TMEM74: variants seen among roughly 807,000 people sequenced by gnomAD.
TMEM74 encodes the protein transmembrane protein 74.
Under a neutral mutation model 18.1 loss-of-function variants are expected in TMEM74, and 13 were observed. The ratio of observed to expected loss-of-function variants is 0.72; its 90% CI spans 0.47 to 1.14. TMEM74 has a LOEUF of 1.14. Ranked by LOEUF, TMEM74 falls within the 50% of genes most tolerant of loss-of-function variation. The pLI, the probability that TMEM74 is intolerant of heterozygous loss-of-function variation, is 0.00. For missense variants in TMEM74, 372 were observed against 375.9 expected (o/e 0.99, Z 0.09); for synonymous variants, 159 against 146.6 (o/e 1.08, Z -0.61).
chr8:108,673,998 A>G (rs1813029507), intron 1 of TMEM74, among the ~76,000 whole-genome samples: 1 of 152,180 alleles, frequency 6.6e-6, no homozygotes, highest in Admixed American at 6.6e-5. Context: ...CAAGTTAAAC[A>G]TTTTGTTAGA....
At chr8:108,628,643 T>C (rs529193987) in intron 2 of TMEM74, among the ~76,000 whole-genome samples, 6 of 152,244 alleles carry the variant, frequency 3.9e-5, no homozygotes, top group African/African-American at 1.4e-4. Context: ...TTTGGGTATA[T>C]ACCCAGAAAT....
chr8:108,722,079 T>G lies in TMEM74; in HGVS notation n.119+65397A>C, dbSNP rs116856414. Among the ~76,000 whole-genome samples the G allele has an allele frequency of 4.0e-3, 602 of 152,308 alleles. 3 individuals are homozygous for G. The highest frequency in any genetic ancestry group is 6.7e-3 in the Non-Finnish European group (453 of 68,014). The stretch of plus-strand genomic sequence containing the variant: ...TTATTCTCTGCATTTTTCTAGATAT[T>G]TTGTGGTTTTAGATCTTACATTTAA... On this transcript the variant is annotated intron_variant and non_coding_transcript_variant, in intron 1 of 3. Coordinates refer to the TMEM74 transcript ENST00000518838.
In TMEM74 at chr8:108,779,431, G is replaced by A. The variant is rs62509433; in HGVS notation, c.*4750C>T. ...AGAGTTACCCAAATTTGAAACAAAG[G>A]AATATACTCCCCATAGTCCCCTGAA... On this transcript the variant is annotated 3_prime_UTR_variant, in exon 2 of 2. Transcript: ENST00000297459. Among the ~76,000 whole-genome samples the A allele has an allele frequency of 6.6e-6, 1 of 152,066 alleles. No homozygotes were observed. Among genetic ancestry groups the A allele is most frequent in the Non-Finnish European group, 1.5e-5 (1 of 67,990 alleles).
At position 108,645,282 on chromosome 8, in the gene TMEM74, A is replaced by G. The variant is rs144278638; in HGVS notation, n.264+10011T>C. On this transcript the variant is annotated intron_variant and non_coding_transcript_variant, in intron 2 of 3. Coordinates refer to the TMEM74 transcript ENST00000518838. ...AACCAAATACTAAATGTTCTCACTTATAAGTGGGAGCTAAGCATTGGGTAC... is the reference window on the plus strand; with the variant it reads ...AACCAAATACTAAATGTTCTCACTTGTAAGTGGGAGCTAAGCATTGGGTAC... 1.3e-4 allele frequency among the ~76,000 whole-genome samples: 20 copies of G among 152,232 alleles called. No individual in the cohort carries two copies. The South Asian group carries it at 1.5e-3, about 11-fold the overall frequency.
chr8:108,770,579 C>T (rs938314731), intron 1 of TMEM74, among the ~76,000 whole-genome samples: 14 of 152,136 alleles, frequency 9.2e-5, no homozygotes, highest in African/African-American at 3.4e-4. Flanking sequence ...AATTCCTATA[C>T]TTACCTGACA....
At chr8:108,756,227 GT>G (rs1396072653) in intron 1 of TMEM74, among the ~76,000 whole-genome samples, 1 of 151,910 alleles carries the variant, frequency 6.6e-6, no homozygotes, top group Non-Finnish European at 1.5e-5. Flanking sequence ...CAGAAGTTAG[GT>G]TTTACTATGT....
chr8:108,668,890 A>T (rs1378191385), intron 1 of TMEM74, among the ~76,000 whole-genome samples: 11 of 151,798 alleles, frequency 7.2e-5, no homozygotes, highest in Non-Finnish European at 1.6e-4. Flanking sequence ...GTCCTAAAGC[A>T]TTGGAGAAGC....
At chr8:108,681,185 C>G (rs549977371) in intron 1 of TMEM74, among the ~76,000 whole-genome samples, 1 of 152,046 alleles carries the variant, frequency 6.6e-6, no homozygotes, top group Non-Finnish European at 1.5e-5. Context: ...TCATATGGAA[C>G]CAAAAAAGAG....
At chr8:108,700,506 G>A (rs1024188715) in intron 1 of TMEM74, among the ~76,000 whole-genome samples, 5 of 152,048 alleles carry the variant, frequency 3.3e-5, no homozygotes, top group Non-Finnish European at 4.4e-5. Flanking sequence ...GTGTGATGGT[G>A]TTCCTAATAA....
At chr8:108,677,303 A>G (rs1249517144) in intron 1 of TMEM74, among the ~76,000 whole-genome samples, 2 of 152,156 alleles carry the variant, frequency 1.3e-5, no homozygotes, top group Non-Finnish European at 2.9e-5. Context: ...TAAAATTGTA[A>G]TTAATTAAAC....
chr8:108,643,607 G>C (rs1812687363), intron 2 of TMEM74, among the ~76,000 whole-genome samples: 1 of 152,052 alleles, frequency 6.6e-6, no homozygotes, highest in Non-Finnish European at 1.5e-5. Flanking sequence ...CAGGTGCAGT[G>C]ACTCATGCCT....
At chr8:108,743,561 G>A (rs569011651) in intron 1 of TMEM74, among the ~76,000 whole-genome samples, 5 of 152,260 alleles carry the variant, frequency 3.3e-5, no homozygotes, top group African/African-American at 1.2e-4. Flanking sequence ...ATGCTTGAAA[G>A]GAGGTAAGAG....
intron 1 of TMEM74, among the ~76,000 whole-genome samples, chr8:108,673,956 T>C (rs1813029074): frequency 6.6e-6 from 1 of 152,210 alleles, no homozygotes. Flanking sequence ...GTTCAAACAT[T>C]TTAAAAATTT....
intron 1 of TMEM74, among the ~76,000 whole-genome samples, chr8:108,704,014 A>G (rs1379798896): frequency 1.3e-5 from 2 of 152,234 alleles, no homozygotes; most frequent in African/African-American, 4.8e-5. Context: ...TGGCAGAAGT[A>G]TAAGGAACTG....
chr8:108,691,011 G>C (rs1408172287), intron 1 of TMEM74, among the ~76,000 whole-genome samples: 1 of 152,114 alleles, frequency 6.6e-6, no homozygotes, highest in African/African-American at 2.4e-5. Flanking sequence ...TATGCCAAGA[G>C]GGAAGAATCC....
intron 1 of TMEM74, among the ~76,000 whole-genome samples, chr8:108,699,171 TCCTTCCTTCCTTCCTC>T (rs374219794): frequency 0.12 from 10,181 of 86,672 alleles, 520 homozygotes; most frequent in East Asian, 0.25. Context: ...CTTCCTTCCT[TCCTTCCTTCCTTCCTC>T]CCTCCCTCCC....
At chr8:108,619,512 C>A (rs1812418707) in intron 2 of TMEM74, among the ~76,000 whole-genome samples, 1 of 152,196 alleles carries the variant, frequency 6.6e-6, no homozygotes, top group Non-Finnish European at 1.5e-5. Flanking sequence ...GGCTGTGCAG[C>A]AAGCCAGGTG....
At chr8:108,624,219 T>A (rs890187162) in intron 2 of TMEM74, among the ~76,000 whole-genome samples, 2 of 152,084 alleles carry the variant, frequency 1.3e-5, no homozygotes, top group Non-Finnish European at 2.9e-5. Context: ...GGGAACAACA[T>A]CATAATCTAT....
chr8:108,770,264 A>G (rs1178778406), intron 1 of TMEM74, among the ~76,000 whole-genome samples: 1 of 152,168 alleles, frequency 6.6e-6, no homozygotes, highest in Non-Finnish European at 1.5e-5. Context: ...CCTTTTAAAA[A>G]ACTGGTATGG....
Sources: allele counts gnomAD v4.1 joint callset (sites outside exome capture counted in the v4.1 genomes callset), GRCh38; gene constraint gnomAD v4.1.1; transcripts MANE v1.5; gene names NCBI Gene and HGNC (gene_info 2026-07-23, HGNC 2026-07-21).